The following SNRPD3 variants were observed in gnomAD, a reference collection of about 807,000 sequenced individuals.
SNRPD3 encodes the protein small nuclear ribonucleoprotein D3 polypeptide, also known as small nuclear ribonucleoprotein Sm D3.
For missense variants in SNRPD3, 73 were observed against 167.5 expected, an observed-to-expected ratio of 0.44 and a Z score of 3.11; for synonymous variants, 66 against 58.4, an observed-to-expected ratio of 1.13 and a Z score of -0.59.
At chr22:24,564,159 A>G (rs5760476) in intron 2 of SNRPD3, among the ~76,000 whole-genome samples, 147,616 of 152,276 alleles carry the variant, frequency 0.97, 71,668 homozygotes, top group Non-Finnish European at 1. Context: ...GCATCCAAGC[A>G]CCTCTGCCTT....
At position 24,557,764 on chromosome 22, in the gene SNRPD3, G is replaced by C; in HGVS notation, c.90G>C (p.Gly30=). Reference sequence around the variant, plus strand: ...CGAACACCGGTGAGGTATATCGGGGGAAGCTCATTGAAGCAGAGGACAACA... The same window carrying C: ...CGAACACCGGTGAGGTATATCGGGGCAAGCTCATTGAAGCAGAGGACAACA... ...CETNTGEVYR[G]KLIEAEDNMN... Residue 30 remains glycine (G), a synonymous_variant, in exon 2 of 4, where the codon GGG becomes GGC. Transcript: ENST00000215829. 6.2e-7 allele frequency: 1 copy of C among 1,610,256 alleles called. No homozygotes were observed.
upstream of SNRPD3, chr22:24,555,843 G>A (rs2045049320): frequency 6.5e-7 from 1 of 1,541,774 alleles, no homozygotes; most frequent in South Asian, 1.2e-5. Flanking sequence ...CTTTTCCGGT[G>A]CCGGAACTAT....
In SNRPD3 at chr22:24,572,207, C is replaced by T. The variant is rs1227434662; in HGVS notation, c.*230C>T. 9 of 750,632 alleles carry T rather than the reference C, an allele frequency of 1.2e-5. No individual in the cohort carries two copies. In the Admixed American group the frequency reaches 2.2e-4, roughly 19 times the overall value. 46.5% of individuals were successfully genotyped at this position (750,632 alleles called of 1,614,324 possible). ...GAAGTTTGCTTTGGCTAAATTTTGA[C>T]ACCCTGGGGGATGTCCTGGGAGAAT... On this transcript the variant is annotated 3_prime_UTR_variant, in exon 4 of 4. Coordinates refer to ENST00000215829, the MANE Select transcript of SNRPD3 (RefSeq NM_004175.5).
At chr22:24,556,691 G>A (rs2045073210) in intron 1 of SNRPD3, among the ~76,000 whole-genome samples, 1 of 152,108 alleles carries the variant, frequency 6.6e-6, no homozygotes, top group Non-Finnish European at 1.5e-5. Flanking sequence ...TTTTCATTGC[G>A]TCATTCTTTA....
At chr22:24,562,869 A>G (rs957219859) in intron 2 of SNRPD3, among the ~76,000 whole-genome samples, 4 of 152,220 alleles carry the variant, frequency 2.6e-5, no homozygotes, top group Non-Finnish European at 5.9e-5. Context: ...TTCCAGTGTA[A>G]GATTAAGCAG....
At chr22:24,568,398 A>G (rs926347885) in intron 3 of SNRPD3, among the ~76,000 whole-genome samples, 17 of 150,730 alleles carry the variant, frequency 1.1e-4, no homozygotes, top group Non-Finnish European at 2.4e-4. Flanking sequence ...CTGGAGTGCG[A>G]TGGTGTGATC....
At chr22:24,561,073 T>C (rs1216583419) in intron 2 of SNRPD3, among the ~76,000 whole-genome samples, 1 of 128,380 alleles carries the variant, frequency 7.8e-6, no homozygotes, top group Non-Finnish European at 1.7e-5. Context: ...TCTTTTTTTT[T>C]TTTTTTTTTT....
At chr22:24,568,258 CAGAG>C (rs2045214393) in intron 3 of SNRPD3, 82 bp downstream of exon 3, 3 of 1,105,486 alleles carry the variant, frequency 2.7e-6, no homozygotes, top group Non-Finnish European at 3.9e-6. Context: ...TGCCTGGAGA[CAGAG>C]AGGGTTTGAC....
At chr22:24,555,863 G>T, upstream of SNRPD3, 8 of 1,526,868 alleles carry the variant, frequency 5.2e-6, no homozygotes, top group Non-Finnish European at 7.0e-6. Context: ...TCGTACTGGT[G>T]CCCTAGTTTC....
At chr22:24,563,204 A>ATGTGTGTGTGTGTG (rs1467545713) in intron 2 of SNRPD3, among the ~76,000 whole-genome samples, 2 of 99,342 alleles carry the variant, frequency 2.0e-5, no homozygotes, top group South Asian at 3.3e-4. Context: ...CCTGTCTCAT[A>ATGTGTGTGTGTGTG]TATGTGTGTG....
At chr22:24,567,866 C>A (rs2045211322) in intron 2 of SNRPD3, 118 bp from the exon 3 acceptor site, 1 of 727,568 alleles carries the variant, frequency 1.4e-6, no homozygotes, top group East Asian at 2.6e-5. Flanking sequence ...CTGGGTAATT[C>A]ACCAGCTTTG....
At chr22:24,563,206 A>G (rs4822509) in intron 2 of SNRPD3, among the ~76,000 whole-genome samples, 30,706 of 105,850 alleles carry the variant, frequency 0.29, 3,770 homozygotes, top group African/African-American at 0.36. Flanking sequence ...TGTCTCATAT[A>G]TGTGTGTGTG....
intron 2 of SNRPD3, among the ~76,000 whole-genome samples, chr22:24,565,325 TG>T (rs763579859): frequency 2.0e-5 from 3 of 152,162 alleles, no homozygotes; most frequent in Non-Finnish European, 4.4e-5. Flanking sequence ...CATGGGTTTC[TG>T]GGGACAGATC....
chr22:24,570,599 C>T (rs1424041962), intron 3 of SNRPD3, among the ~76,000 whole-genome samples: 1 of 152,030 alleles, frequency 6.6e-6, no homozygotes, highest in East Asian at 1.9e-4. Context: ...AGGAGAATCG[C>T]TTGAACCCAG....
Position 24,568,179 on chromosome 22 carries a change from A to G in SNRPD3, c.319+3A>G, listed in dbSNP as rs2045213681. 1 of 1,605,878 alleles carries G rather than the reference A, an allele frequency of 6.2e-7. No individual in the cohort carries two copies. The highest frequency in any genetic ancestry group is 1.1e-5 in the South Asian group (1 of 90,400). On this transcript the variant is annotated splice_donor_region_variant and intron_variant, in intron 3 of 3. Coordinates refer to ENST00000215829, the MANE Select transcript of SNRPD3 (RefSeq NM_004175.5). ...AGCTGCTATTCTCAAGGCCCAAGGT[A>G]GGTGCTTTTCATGCACAGGTTTTAA...
chr22:24,568,763 G>T (rs957522468), intron 3 of SNRPD3, among the ~76,000 whole-genome samples: 5 of 151,862 alleles, frequency 3.3e-5, no homozygotes, highest in African/African-American at 9.7e-5. Context: ...CACCACCTTG[G>T]CTAGGCTGGT....
chr22:24,572,375 C>T lies in SNRPD3; in HGVS notation c.*398C>T. The T allele has an allele frequency of 3.8e-6, 2 of 528,804 alleles. No individual in the cohort carries two copies. Among genetic ancestry groups the T allele is most frequent in the Non-Finnish European group, 6.8e-6 (2 of 296,220 alleles). 32.8% of individuals were successfully genotyped at this position (528,804 alleles called of 1,614,324 possible). A position where few individuals can be genotyped will look rare whatever the true frequency, so the allele number is the denominator to read the frequency against. ...TGTCTCATTCATCTTCAGACACAGGCACATAGTGTGGCACTTTGTTCAGTT... is the reference window on the plus strand; with the variant it reads ...TGTCTCATTCATCTTCAGACACAGGTACATAGTGTGGCACTTTGTTCAGTT... On this transcript the variant is annotated 3_prime_UTR_variant, in exon 4 of 4. Coordinates refer to ENST00000215829, the MANE Select transcript of SNRPD3 (RefSeq NM_004175.5).
intron 2 of SNRPD3, among the ~76,000 whole-genome samples, chr22:24,566,015 A>G (rs1303624115): frequency 3.9e-5 from 6 of 152,156 alleles, no homozygotes; most frequent in Admixed American, 2.0e-4. Context: ...TGTCTTGGGT[A>G]GTCTGACCAT....
chr22:24,561,247 A>T (rs956620948), intron 2 of SNRPD3, among the ~76,000 whole-genome samples: 23 of 150,158 alleles, frequency 1.5e-4, no homozygotes, highest in South Asian at 2.1e-4. Context: ...TAATTTTTAA[A>T]TTTTTTTGTA....
Sources: gnomAD v4.1 joint callset for allele counts (sites outside exome capture counted in the v4.1 genomes callset) on GRCh38, gnomAD v4.1.1 for gene constraint, MANE v1.5 for transcripts, NCBI Gene and HGNC (gene_info 2026-07-23, HGNC 2026-07-21) for gene names.